CTNND2: variants seen among roughly 807,000 people sequenced by gnomAD.
The protein encoded by CTNND2 is catenin delta 2.
In CTNND2, 22 loss-of-function variants were observed where a neutral mutation model predicts 144.4. That is an observed-to-expected ratio of 0.15 (90% CI 0.11 to 0.22). CTNND2 has a LOEUF of 0.22. Ranked by LOEUF, CTNND2 falls within the 10% of genes least tolerant of loss-of-function variation. The probability of loss-of-function intolerance (pLI) is 1.00; values close to 1 mark genes in which losing one functional copy is unlikely to be tolerated. For missense variants in CTNND2, 1,353 were observed against 1,618.8 expected, an observed-to-expected ratio of 0.84 and a Z score of 2.82; for synonymous variants, 751 against 695.6, an observed-to-expected ratio of 1.08 and a Z score of -1.25.
chr5:11,734,474 C>G (rs1037985643), intron 1 of CTNND2, among the ~76,000 whole-genome samples: 3 of 152,088 alleles, frequency 2.0e-5, no homozygotes, highest in African/African-American at 7.2e-5. Flanking sequence ...TAAAAAGGGA[C>G]TGAAGTATTT....
rs548714114 is a variant in CTNND2 at position 11,515,740 on chromosome 5, C to CATAT, written c.287+49203_287+49204insATAT. Among the ~76,000 whole-genome samples the CATAT allele has an allele frequency of 4.1e-3, 620 of 152,062 alleles. 5 individuals carry two copies. The highest frequency in any genetic ancestry group is 0.014 in the African/African-American group (591 of 41,464). On this transcript the variant is annotated intron_variant, in intron 3 of 21. Coordinates refer to ENST00000304623, the MANE Select transcript of CTNND2 (RefSeq NM_001332.4). Reference sequence around the variant, plus strand: ...CAGAAGTGCATAGAAAATTTAAATACTCAAAGGTACAATTTTCTGTTAAAA... The same window carrying CATAT: ...CAGAAGTGCATAGAAAATTTAAATACATATTCAAAGGTACAATTTTCTGTTAAAA...
chr5:11,524,295 T>C (rs561083788), intron 3 of CTNND2, among the ~76,000 whole-genome samples: 1 of 152,332 alleles, frequency 6.6e-6, no homozygotes, highest in African/African-American at 2.4e-5. Context: ...ATTGTTTCCC[T>C]GACTTATGAC....
chr5:11,236,341 G>A (rs1741635848), intron 10 of CTNND2, among the ~76,000 whole-genome samples: 1 of 152,164 alleles, frequency 6.6e-6, no homozygotes, highest in Admixed American at 6.5e-5. Flanking sequence ...AACAATTGAT[G>A]TTTAGTATGT....
At chr5:11,355,974 A>G (rs547576703) in intron 8 of CTNND2, among the ~76,000 whole-genome samples, 13 of 152,182 alleles carry the variant, frequency 8.5e-5, no homozygotes, top group Non-Finnish European at 1.9e-4. Context: ...AGATATGTAG[A>G]AATAAACTTA....
intron 2 of CTNND2, among the ~76,000 whole-genome samples, chr5:11,632,112 T>A (rs1261314851): frequency 1.3e-5 from 2 of 152,070 alleles, no homozygotes; most frequent in Non-Finnish European, 2.9e-5. Flanking sequence ...ATAAATGAAA[T>A]GACAGATGAT....
intron 3 of CTNND2, among the ~76,000 whole-genome samples, chr5:11,452,237 G>T (rs993490834): frequency 6.6e-6 from 1 of 152,018 alleles, no homozygotes; most frequent in Non-Finnish European, 1.5e-5. Context: ...TTTTATCCTG[G>T]TTTTTCAACT....
chr5:11,250,491 C>CTCTCTCTATATATATATATATA (rs869141186), intron 9 of CTNND2, among the ~76,000 whole-genome samples: 10 of 64,102 alleles, frequency 1.6e-4, no homozygotes, highest in Non-Finnish European at 2.2e-4. Context: ...CTCTCTCTCT[C>CTCTCTCTATATATATATATATA]TATATATATA....
chr5:11,224,047 C>T (rs560122134), intron 10 of CTNND2, among the ~76,000 whole-genome samples: 6 of 152,278 alleles, frequency 3.9e-5, no homozygotes, highest in African/African-American at 1.4e-4. Flanking sequence ...CTCTGGAGTC[C>T]TTCTTACTCG....
chr5:11,885,428 C>A (rs927012063), intron 1 of CTNND2, among the ~76,000 whole-genome samples: 2 of 151,944 alleles, frequency 1.3e-5, no homozygotes, highest in African/African-American at 4.8e-5. Context: ...CACTTTGAGT[C>A]AAAAACTATA....
intron 9 of CTNND2, among the ~76,000 whole-genome samples, chr5:11,254,634 C>A (rs1241694972): frequency 6.6e-6 from 1 of 152,150 alleles, no homozygotes; most frequent in Non-Finnish European, 1.5e-5. Flanking sequence ...TCAGATTCAC[C>A]ATACAACAGT....
At chr5:11,771,192 CT>C (rs34686102) in intron 1 of CTNND2, among the ~76,000 whole-genome samples, 15 of 103,764 alleles carry the variant, frequency 1.4e-4, no homozygotes, top group African/African-American at 5.6e-4. Context: ...ACATTGTTAG[CT>C]TTTTTTTTTT....
chr5:11,199,393 G>A (rs1014881469), intron 11 of CTNND2, 55 bp downstream of exon 11: 4 of 1,491,754 alleles, frequency 2.7e-6, no homozygotes, highest in Non-Finnish European at 3.7e-6. Flanking sequence ...CTCTGTGTTG[G>A]ATAATGGAAA....
At chr5:11,865,583 A>C (rs372614473) in intron 1 of CTNND2, among the ~76,000 whole-genome samples, 1 of 152,182 alleles carries the variant, frequency 6.6e-6, no homozygotes, top group Non-Finnish European at 1.5e-5. Flanking sequence ...TCAGTGTGGG[A>C]AGCAGAAAAT....
intron 3 of CTNND2, among the ~76,000 whole-genome samples, chr5:11,554,631 C>A (rs1341151934): frequency 6.6e-6 from 1 of 152,122 alleles, no homozygotes; most frequent in Non-Finnish European, 1.5e-5. Flanking sequence ...AGGGAAACTG[C>A]TCAATAAACT....
At chr5:11,678,600 T>C (rs1387414133) in intron 2 of CTNND2, among the ~76,000 whole-genome samples, 1 of 152,190 alleles carries the variant, frequency 6.6e-6, no homozygotes, top group African/African-American at 2.4e-5. Context: ...ATCATTGATA[T>C]GAGCAGGGAA....
intron 11 of CTNND2, among the ~76,000 whole-genome samples, chr5:11,185,471 G>T (rs1735529963): frequency 6.6e-6 from 1 of 152,178 alleles, no homozygotes; most frequent in African/African-American, 2.4e-5. Context: ...TGACTTCTCT[G>T]GGATTACAGG....
At chr5:11,732,704 G>A (rs1157316785) in intron 1 of CTNND2, among the ~76,000 whole-genome samples, 1 of 152,006 alleles carries the variant, frequency 6.6e-6, no homozygotes, top group Non-Finnish European at 1.5e-5. Context: ...TTGGTTCCTG[G>A]CTCATATCTC....
intron 1 of CTNND2, among the ~76,000 whole-genome samples, chr5:11,874,900 T>G (rs973847286): frequency 2.6e-5 from 4 of 152,084 alleles, no homozygotes; most frequent in African/African-American, 9.7e-5. Flanking sequence ...CAAAGGAAAA[T>G]ATAACCCAGA....
At position 11,532,505 on chromosome 5, in the gene CTNND2, A is replaced by G. The variant is rs548544439; in HGVS notation, c.287+32439T>C. ...CTCTCTCAATAACCAAAAGGCCATTAAAGACCTTTGAACTATAAAGCAACT... is the reference window on the plus strand; with the variant it reads ...CTCTCTCAATAACCAAAAGGCCATTGAAGACCTTTGAACTATAAAGCAACT... On this transcript the variant is annotated intron_variant, in intron 3 of 21. Transcript: ENST00000304623. Among the ~76,000 whole-genome samples, 9 of 152,354 alleles carry G rather than the reference A, an allele frequency of 5.9e-5. No homozygotes were observed. The East Asian group carries it at 1.7e-3, about 29-fold the overall frequency.
Sources: gnomAD v4.1 joint callset for allele counts (sites outside exome capture counted in the v4.1 genomes callset) on GRCh38, gnomAD v4.1.1 for gene constraint, MANE v1.5 for transcripts, NCBI Gene and HGNC (gene_info 2026-07-23, HGNC 2026-07-21) for gene names.